The following METTL25 variants were observed in gnomAD, a reference collection of about 807,000 sequenced individuals.
The protein encoded by METTL25 is methyltransferase like 25, also known as probable methyltransferase-like protein 25.
In METTL25, 64 loss-of-function variants were observed where a neutral mutation model predicts 71.6. The ratio of observed to expected loss-of-function variants is 0.89; its 90% CI spans 0.73 to 1.10. The LOEUF is 1.10. METTL25 is among the 50% of genes least tolerant of loss of function. METTL25 has a pLI of 0.00. For synonymous variants in METTL25, 287 were observed against 250.3 expected, an observed-to-expected ratio of 1.15 and a Z score of -1.38; for missense variants, 807 against 707.0, an observed-to-expected ratio of 1.14 and a Z score of -1.60.
intron 1 of METTL25, among the ~76,000 whole-genome samples, chr12:82,377,411 T>C: frequency 6.6e-6 from 1 of 152,218 alleles, no homozygotes; most frequent in East Asian, 1.9e-4. Flanking sequence ...TATTCTGACC[T>C]GTATGTTTGG....
At chr12:82,463,310 A>G (rs1738611587) in intron 9 of METTL25, among the ~76,000 whole-genome samples, 1 of 151,920 alleles carries the variant, frequency 6.6e-6, no homozygotes, top group South Asian at 2.1e-4. Context: ...CAGCTTCTGC[A>G]TCTGAGTGAG....
intron 9 of METTL25, among the ~76,000 whole-genome samples, chr12:82,467,723 G>T (rs1238487365): frequency 6.6e-6 from 1 of 151,988 alleles, no homozygotes; most frequent in Non-Finnish European, 1.5e-5. Flanking sequence ...TTCTTTATTT[G>T]TTCTTGACTT....
intron 4 of METTL25, 55 bp from the exon 5 acceptor site, chr12:82,402,928 T>A: frequency 7.3e-7 from 1 of 1,362,164 alleles, no homozygotes; most frequent in Non-Finnish European, 1.0e-6. Flanking sequence ...AATAAAAATT[T>A]TAAACAACCC....
chr12:82,426,438 C>T (rs1005980341), intron 5 of METTL25, among the ~76,000 whole-genome samples: 1 of 151,602 alleles, frequency 6.6e-6, no homozygotes, highest in African/African-American at 2.4e-5. Context: ...CTTAAAGTTC[C>T]TAGGTGTTTT....
chr12:82,398,800 T>G lies in METTL25; in HGVS notation c.537T>G (p.Ile179Met). 6.6e-7 allele frequency: 1 copy of G among 1,515,996 alleles called. No homozygotes were observed. Among genetic ancestry groups the G allele is most frequent in the Non-Finnish European group, 8.8e-7 (1 of 1,139,776 alleles). 93.9% of individuals were successfully genotyped at this position (1,515,996 alleles called of 1,614,324 possible). ...TTCTTTTTTTCTAATCTTAGGTGAT[T>G]GACTTGGGTTCCGGTAAAGGCTACC... ...IADYYGIKQVIDLGSGKGYLS... is the reference protein window; with the variant it reads ...IADYYGIKQVMDLGSGKGYLS... The change falls in exon 4 of 12, where the codon ATT becomes ATG. Residue 179 changes from isoleucine (I) to methionine (M), a missense_variant. Physicochemically the swap from Ile to Met is conservative, Grantham distance 10 (BLOSUM62 1). Coordinates refer to ENST00000248306, the MANE Select transcript of METTL25 (RefSeq NM_032230.3).
chr12:82,478,313 A>T (rs1892995283), intron 11 of METTL25, among the ~76,000 whole-genome samples: 1 of 151,844 alleles, frequency 6.6e-6, no homozygotes, highest in African/African-American at 2.4e-5. Flanking sequence ...GATAGAAATT[A>T]TAGAAATGTT....
At chr12:82,432,184 T>C (rs1232307410) in intron 6 of METTL25, among the ~76,000 whole-genome samples, 1 of 151,742 alleles carries the variant, frequency 6.6e-6, no homozygotes, top group Non-Finnish European at 1.5e-5. Flanking sequence ...ATTATTTCTA[T>C]GCCTGTTACA....
At chr12:82,424,579 T>G (rs1565853930) in intron 5 of METTL25, among the ~76,000 whole-genome samples, 2 of 151,768 alleles carry the variant, frequency 1.3e-5, no homozygotes, top group Non-Finnish European at 2.9e-5. Flanking sequence ...ATATTGATAA[T>G]GCAAAACTAG....
chr12:82,366,534 G>C (rs1363947391), intron 1 of METTL25, among the ~76,000 whole-genome samples: 1 of 151,206 alleles, frequency 6.6e-6, no homozygotes, highest in African/African-American at 2.4e-5. Context: ...CACAGAAAGT[G>C]TATGTCCATG....
At chr12:82,368,239 A>G (rs559475733) in intron 1 of METTL25, among the ~76,000 whole-genome samples, 34 of 152,300 alleles carry the variant, frequency 2.2e-4, no homozygotes, top group Admixed American at 5.2e-4. Flanking sequence ...TTGTTCACCT[A>G]TGGCAGAGGT....
intron 8 of METTL25, among the ~76,000 whole-genome samples, chr12:82,453,056 G>C (rs938550942): frequency 1.3e-5 from 2 of 152,110 alleles, no homozygotes; most frequent in Admixed American, 6.6e-5. Flanking sequence ...TAATTAACAT[G>C]TATAACATTT....
chr12:82,472,012 T>C (rs571654430), intron 9 of METTL25, among the ~76,000 whole-genome samples: 1 of 152,196 alleles, frequency 6.6e-6, no homozygotes, highest in Non-Finnish European at 1.5e-5. Flanking sequence ...ATATTAATCT[T>C]ATAGATTGCA....
rs191740259 is a variant in METTL25 at position 82,414,637 on chromosome 12, G to A, written c.1279+11507G>A. ...GTCCACTTAAAAGAAGTAGTAAAGA[G>A]GAAGAGTTTATACTTTGTATATAAA... On this transcript the variant is annotated intron_variant, in intron 5 of 11. Transcript: ENST00000248306. Among the ~76,000 whole-genome samples the A allele has an allele frequency of 1.6e-3, 249 of 152,184 alleles. 1 individual carries two copies. The highest frequency in any genetic ancestry group is 0.014 in the Admixed American group (209 of 15,246).
intron 8 of METTL25, among the ~76,000 whole-genome samples, chr12:82,446,479 T>C (rs1002762854): frequency 7.4e-6 from 1 of 134,806 alleles, no homozygotes; most frequent in Admixed American, 7.8e-5. Context: ...CATTTCTGAC[T>C]ACAATGGAAT....
At chr12:82,369,003 A>C (rs1214148795) in intron 1 of METTL25, among the ~76,000 whole-genome samples, 1 of 152,206 alleles carries the variant, frequency 6.6e-6, no homozygotes, top group East Asian at 1.9e-4. Context: ...CTTCTCTTGG[A>C]ATTTTCCCTC....
At chr12:82,415,950 T>C (rs1301258332) in intron 5 of METTL25, among the ~76,000 whole-genome samples, 2 of 152,156 alleles carry the variant, frequency 1.3e-5, no homozygotes, top group African/African-American at 2.4e-5. Flanking sequence ...AATTTAATCA[T>C]TGTATTGTAA....
chr12:82,399,492 T>C, intron 4 of METTL25, 98 bp downstream of exon 4: 1 of 951,298 alleles, frequency 1.1e-6, no homozygotes, highest in Non-Finnish European at 1.6e-6. Flanking sequence ...TTGATCACAT[T>C]AATCTAACAG....
intron 5 of METTL25, among the ~76,000 whole-genome samples, chr12:82,409,184 G>A (rs1003529427): frequency 2.6e-5 from 4 of 151,990 alleles, no homozygotes; most frequent in East Asian, 1.9e-4. Flanking sequence ...CAAAAATACC[G>A]CAAAGCTCTA....
At chr12:82,404,739 TCA>T (rs1886932636) in intron 5 of METTL25, among the ~76,000 whole-genome samples, 1 of 152,072 alleles carries the variant, frequency 6.6e-6, no homozygotes, top group African/African-American at 2.4e-5. Context: ...GGTCAGGAGT[TCA>T]AGACCAGCCT....
Sources: gnomAD v4.1 joint callset for allele counts (sites outside exome capture counted in the v4.1 genomes callset) on GRCh38, gnomAD v4.1.1 for gene constraint, MANE v1.5 for transcripts, NCBI Gene and HGNC (gene_info 2026-07-23, HGNC 2026-07-21) for gene names.